Variants in GIGYF2 observed in about 807,000 individuals in gnomAD.
GIGYF2 encodes the protein GRB10-interacting GYF protein 2.
Under a neutral mutation model 208.1 loss-of-function variants are expected in GIGYF2, and 25 were observed. The ratio of observed to expected loss-of-function variants is 0.12; its 90% CI spans 0.09 to 0.17. The LOEUF is 0.17. Ranked by LOEUF, GIGYF2 falls within the 10% of genes least tolerant of loss-of-function variation. The probability of loss-of-function intolerance (pLI) is 1.00; values close to 1 mark genes in which losing one functional copy is unlikely to be tolerated. For missense variants in GIGYF2, 1,302 were observed against 1,579.4 expected (o/e 0.82, Z 2.98); for synonymous variants, 534 against 543.8 (o/e 0.98, Z 0.25).
At chr2:232,739,776 T>C (rs2106302649) in intron 3 of GIGYF2, among the ~76,000 whole-genome samples, 1 of 151,964 alleles carries the variant, frequency 6.6e-6, no homozygotes, top group South Asian at 2.1e-4. Flanking sequence ...TTCTATCGTA[T>C]ATGCAAATGT....
At chr2:232,748,795 T>G (rs1319793152) in intron 4 of GIGYF2, among the ~76,000 whole-genome samples, 192 bp from the exon 5 acceptor site, 1 of 152,198 alleles carries the variant, frequency 6.6e-6, no homozygotes, top group Non-Finnish European at 1.5e-5. Context: ...GAGTATTGAC[T>G]GGGGTTTTTA....
chr2:232,800,556 A>T (rs1700365046), intron 14 of GIGYF2, among the ~76,000 whole-genome samples: 1 of 151,110 alleles, frequency 6.6e-6, no homozygotes, highest in African/African-American at 2.4e-5. Flanking sequence ...AGGAAATGTG[A>T]GTCCTCCAGC....
At chr2:232,808,632 A>G (rs1298331701) in intron 15 of GIGYF2, among the ~76,000 whole-genome samples, 3 of 152,192 alleles carry the variant, frequency 2.0e-5, no homozygotes, top group African/African-American at 7.2e-5. Context: ...GAAATTGTGT[A>G]TCAAGTATCT....
intron 28 of GIGYF2, among the ~76,000 whole-genome samples, chr2:232,854,656 G>C (rs1406361027): frequency 6.6e-6 from 1 of 151,956 alleles, no homozygotes; most frequent in Non-Finnish European, 1.5e-5. Context: ...GTAAGCAGTT[G>C]GTACCACAGC....
intron 2 of GIGYF2, among the ~76,000 whole-genome samples, chr2:232,704,000 G>A (rs1331505471): frequency 6.6e-6 from 1 of 152,208 alleles, no homozygotes; most frequent in Non-Finnish European, 1.5e-5. Flanking sequence ...TTAGGCTCTA[G>A]TGCCAGTAGC....
chr2:232,780,570 C>G (rs1323054060), intron 8 of GIGYF2, among the ~76,000 whole-genome samples: 8 of 152,160 alleles, frequency 5.3e-5, no homozygotes, highest in Non-Finnish European at 1.2e-4. Context: ...GAAAGCATGC[C>G]AGCACAAAGT....
At chr2:232,767,140 G>A (rs1397455484) in intron 8 of GIGYF2, 1 of 152,080 alleles carries the variant, frequency 6.6e-6, no homozygotes, top group Non-Finnish European at 1.5e-5. Context: ...CCTCCTACTG[G>A]TGAATAAACA....
chr2:232,712,960 T>A (rs1026671209), intron 2 of GIGYF2, among the ~76,000 whole-genome samples: 1 of 152,204 alleles, frequency 6.6e-6, no homozygotes, highest in South Asian at 2.1e-4. Context: ...AAGAAAATGT[T>A]CTATGAACCT....
At position 232,858,751 on chromosome 2, in the gene GIGYF2, C is replaced by A; in HGVS notation, c.*1891C>A. On this transcript the variant is annotated 3_prime_UTR_variant, in exon 29 of 29. Transcript: ENST00000373563. ...GAGGCAGCCATGGCTTCTTTCTCTG[C>A]CAGACCACGTAGCACTGGCTGGTTC... 1 of 352,550 alleles carries A rather than the reference C, an allele frequency of 2.8e-6. No homozygotes were observed. Among genetic ancestry groups the A allele is most frequent in the South Asian group, 2.2e-5 (1 of 44,550 alleles). The allele number at this position is 352,550 out of a possible 1,614,324, so 21.8% of individuals were successfully genotyped here.
chr2:232,794,449 G>A (rs1700162686), intron 12 of GIGYF2, among the ~76,000 whole-genome samples: 1 of 152,186 alleles, frequency 6.6e-6, no homozygotes. Flanking sequence ...GAAAGGATTA[G>A]ACTGATTGTT....
At chr2:232,767,377 T>G (rs903781626) in intron 8 of GIGYF2, 1 of 152,304 alleles carries the variant, frequency 6.6e-6, no homozygotes, top group South Asian at 2.1e-4. Flanking sequence ...GAATCATACA[T>G]AGGAGGGGAA....
intron 20 of GIGYF2, 27 bp from the exon 21 acceptor site, chr2:232,819,800 C>T: frequency 6.6e-6 from 2 of 304,146 alleles, no homozygotes; most frequent in Admixed American, 4.2e-5. Flanking sequence ...CCTCCCCCAC[C>T]CCCCACCCTC....
chr2:232,785,676 A>C (rs1050886292), intron 8 of GIGYF2, among the ~76,000 whole-genome samples: 1 of 152,228 alleles, frequency 6.6e-6, no homozygotes, highest in African/African-American at 2.4e-5. Context: ...CCACAATAAG[A>C]AAGCAGCAGA....
chr2:232,725,530 C>G (rs1482398550), intron 2 of GIGYF2, among the ~76,000 whole-genome samples: 1 of 152,168 alleles, frequency 6.6e-6, no homozygotes, highest in African/African-American at 2.4e-5. Context: ...GCCAAAGAAT[C>G]TATGTCAAAT....
intron 2 of GIGYF2, among the ~76,000 whole-genome samples, chr2:232,704,341 T>C (rs543794781): frequency 6.6e-6 from 1 of 152,352 alleles, no homozygotes; most frequent in Middle Eastern, 3.4e-3. Context: ...TATCTATCTT[T>C]TGGTGAACGA....
chr2:232,813,724 C>A (rs1700814799), intron 18 of GIGYF2, among the ~76,000 whole-genome samples: 1 of 152,084 alleles, frequency 6.6e-6, no homozygotes, highest in Admixed American at 6.6e-5. Context: ...CCCTCATCGA[C>A]TTTCCATGCT....
At chr2:232,788,736 C>T (rs566641560) in intron 9 of GIGYF2, 21 of 279,174 alleles carry the variant, frequency 7.5e-5, no homozygotes, top group Admixed American at 1.8e-4. Context: ...CTGAATCTTT[C>T]TTTCCCCCTA....
At chr2:232,830,142 G>A (rs1220499659) in intron 21 of GIGYF2, among the ~76,000 whole-genome samples, 1 of 151,990 alleles carries the variant, frequency 6.6e-6, no homozygotes, top group African/African-American at 2.4e-5. Flanking sequence ...CCCATACCTG[G>A]CTAATTTTTA....
chr2:232,855,999 C>T (rs546329857), intron 28 of GIGYF2, among the ~76,000 whole-genome samples: 9 of 152,084 alleles, frequency 5.9e-5, no homozygotes, highest in South Asian at 2.1e-4. Flanking sequence ...GGCGCGATCT[C>T]GGCTCACTGC....
Sources: gnomAD v4.1 joint callset for allele counts (sites outside exome capture counted in the v4.1 genomes callset) on GRCh38, gnomAD v4.1.1 for gene constraint, MANE v1.5 for transcripts, NCBI Gene and HGNC (gene_info 2026-07-23, HGNC 2026-07-21) for gene names.